The following CYP4V2 variants were observed in gnomAD, a reference collection of about 807,000 sequenced individuals.
CYP4V2 encodes the protein cytochrome P450 family 4 subfamily V member 2.
A neutral mutation model predicts 60.8 loss-of-function variants in CYP4V2; 55 were observed. That is an observed-to-expected ratio of 0.90 (90% CI 0.73 to 1.13). CYP4V2 has a LOEUF of 1.13. CYP4V2 is among the 50% of genes most tolerant of loss of function. CYP4V2 has a pLI of 0.00. For missense variants in CYP4V2, 675 were observed against 662.9 expected (o/e 1.02, Z -0.20); for synonymous variants, 239 against 236.8 (o/e 1.01, Z -0.08).
At chr4:186,204,266 G>C (rs1355480158) in intron 7 of CYP4V2, 1 of 164,738 alleles carries the variant, frequency 6.1e-6, no homozygotes, top group Non-Finnish European at 1.4e-5. Context: ...CTACGCTGGC[G>C]TAAGACGCGG....
At position 186,191,818 on chromosome 4, in the gene CYP4V2, G is replaced by A. The variant is rs993217411; in HGVS notation, c.-6G>A. ...GGAGTGCACCCCGCGGCCGCCAGCC[G>A]GGGCGATGGCGGGGCTCTGGCTGGG... On this transcript the variant is annotated 5_prime_UTR_variant, in exon 1 of 11. Transcript: ENST00000378802. The A allele has an allele frequency of 9.7e-6, 15 of 1,548,570 alleles. No homozygotes were observed. In the East Asian group the frequency reaches 1.9e-4, roughly 20 times the overall value.
At chr4:186,201,502 G>T in intron 7 of CYP4V2, 160 bp downstream of exon 7, 1 of 842,184 alleles carries the variant, frequency 1.2e-6, no homozygotes, top group Non-Finnish European at 1.8e-6. Context: ...AACTGATTAA[G>T]TACCAGCTCA....
intron 3 of CYP4V2, chr4:186,196,440 C>G (rs1736148930): frequency 5.6e-6 from 2 of 354,556 alleles, no homozygotes; most frequent in South Asian, 2.5e-5. Context: ...AAAAGATGGT[C>G]AGCCCCAGAG....
rs1561430819 is a variant in CYP4V2, at chr4:186,194,524, A to G, written c.239A>G (p.Tyr80Cys). The change falls in exon 2 of 11, where the codon TAC becomes TGC. Residue 80 changes from tyrosine (Y) to cysteine (C), a missense_variant. Coordinates refer to ENST00000378802, the MANE Select transcript of CYP4V2 (RefSeq NM_207352.4). ...GREFFQQIIE[Y>C]TEEYRHMPLL... ...GAATTTTTTCAGCAGATCATTGAGT[A>G]CACAGAGGAATACCGCCACATGCCG... is the stretch of plus-strand genomic sequence containing the variant. The G allele has an allele frequency of 6.2e-7, 1 of 1,614,190 alleles. No individual in the cohort carries two copies. The highest frequency in any genetic ancestry group is 1.7e-5 in the Admixed American group (1 of 60,036).
At position 186,195,776 on chromosome 4, in the gene CYP4V2, A is replaced by G. The variant is rs1433087393; in HGVS notation, c.328-227A>G. Among the ~76,000 whole-genome samples the G allele has an allele frequency of 1.3e-5, 2 of 152,066 alleles. No individual in the cohort carries two copies. Among genetic ancestry groups the G allele is most frequent in the East Asian group, 3.9e-4 (2 of 5,178 alleles). ...GGCGGGAACCAGAGAATCATCTGGGACATCTTTCTTCCCCCCAACTCCATT... is the reference window on the plus strand; with the variant it reads ...GGCGGGAACCAGAGAATCATCTGGGGCATCTTTCTTCCCCCCAACTCCATT... On this transcript the variant is annotated intron_variant, in intron 2 of 10. Coordinates refer to ENST00000378802, the MANE Select transcript of CYP4V2 (RefSeq NM_207352.4). This position sits in a 1 kb window ranked among gnomAD's most constrained non-coding sequence, Gnocchi z 4.1.
chr4:186,208,814 C>G (rs1736609032), intron 8 of CYP4V2, 51 bp from the exon 9 acceptor site: 1 of 1,613,668 alleles, frequency 6.2e-7, no homozygotes, highest in African/African-American at 1.3e-5. Flanking sequence ...ATGTCTGCAC[C>G]CCCAGCCCCC....
rs577921207 is a variant in CYP4V2 at position 186,212,821 on chromosome 4, A to C, written c.*2180A>C. 6.6e-6 allele frequency: 1 copy of C among 152,324 alleles called. No individual in the cohort carries two copies. The highest frequency in any genetic ancestry group is 6.5e-5 in the Admixed American group (1 of 15,306). 9.4% of individuals were successfully genotyped at this position (152,324 alleles called of 1,614,324 possible). A position where few individuals can be genotyped will look rare whatever the true frequency, so the allele number is the denominator to read the frequency against. Reference sequence around the variant, plus strand: ...ACAGGGGCGGTCTCAGCCAAATTGCACCCATTTAACTATCCCAAAGAGCCA... The same window carrying C: ...ACAGGGGCGGTCTCAGCCAAATTGCCCCCATTTAACTATCCCAAAGAGCCA... On this transcript the variant is annotated 3_prime_UTR_variant, in exon 11 of 11. Coordinates refer to ENST00000378802, the MANE Select transcript of CYP4V2 (RefSeq NM_207352.4).
intron 7 of CYP4V2, 79 bp from the exon 8 acceptor site, chr4:186,205,121 A>G (rs546154156): frequency 6.6e-5 from 88 of 1,332,492 alleles, no homozygotes; most frequent in Middle Eastern, 1.8e-4. Context: ...TCCAGAGACA[A>G]TTCAAAAGAG....
At position 186,209,154 on chromosome 4, in the gene CYP4V2, T is replaced by G. The variant is rs752446165; in HGVS notation, c.1287T>G (p.Asp429Glu). The G allele has an allele frequency of 4.3e-6, 7 of 1,614,106 alleles. No homozygotes were observed. In the Admixed American group the frequency reaches 6.7e-5, roughly 15 times the overall value. Residue 429 changes from aspartate (D) to glutamate (E), a missense_variant, in exon 10 of 11, where the codon GAT (aspartate) becomes GAG (glutamate). Transcript: ENST00000378802. ...AVIIPYALHR[D>E]PRYFPNPEEF... ...TCATTCCCTATGCATTGCACAGAGA[T>G]CCGAGATACTTCCCCAACCCCGAGG...
intron 7 of CYP4V2, chr4:186,204,987 G>T: frequency 4.9e-6 from 3 of 618,544 alleles, no homozygotes; most frequent in South Asian, 3.6e-5. Flanking sequence ...ACACCGTGCG[G>T]CGTGGAACTG....
At chr4:186,205,126 A>G (rs770370567) in intron 7 of CYP4V2, 74 bp from the exon 8 acceptor site, 17 of 1,383,038 alleles carry the variant, frequency 1.2e-5, no homozygotes, top group African/African-American at 2.9e-5. Flanking sequence ...AGACAATTCA[A>G]AAGAGGTTTC....
intron 7 of CYP4V2, 160 bp downstream of exon 7, chr4:186,201,502 G>A: frequency 1.2e-6 from 1 of 842,184 alleles, no homozygotes; most frequent in Non-Finnish European, 1.8e-6. Context: ...AACTGATTAA[G>A]TACCAGCTCA....
At chr4:186,209,765 A>G (rs1029239681) in intron 10 of CYP4V2, among the ~76,000 whole-genome samples, 10 of 152,228 alleles carry the variant, frequency 6.6e-5, no homozygotes, top group African/African-American at 2.4e-4. Flanking sequence ...AAATACAGTC[A>G]TATTCTAAGG....
chr4:186,210,950 C>T lies in CYP4V2; in HGVS notation c.*309C>T, dbSNP rs556088901. On this transcript the variant is annotated 3_prime_UTR_variant, in exon 11 of 11. Coordinates refer to ENST00000378802, the MANE Select transcript of CYP4V2 (RefSeq NM_207352.4). ...CTCCCAGGTTCAAGCAATTCTTCTG[C>T]CTCAGCCTCCCAAGTAGCTGGGATT... The T allele has an allele frequency of 1.1e-5, 3 of 269,662 alleles. No homozygotes were observed. In the Admixed American group the frequency reaches 1.5e-4, roughly 14 times the overall value. The allele number at this position is 269,662 out of a possible 1,614,324, so 16.7% of individuals were successfully genotyped here.
At chr4:186,200,512 AATAAGT>A (rs1270649294) in intron 6 of CYP4V2, among the ~76,000 whole-genome samples, 1 of 152,226 alleles carries the variant, frequency 6.6e-6, no homozygotes, top group African/African-American at 2.4e-5. Flanking sequence ...ACATTATAAT[AATAAGT>A]ATGACAGAAG....
intron 2 of CYP4V2, 44 bp downstream of exon 2, chr4:186,194,656 C>T (rs1279874093): frequency 4.0e-6 from 6 of 1,517,502 alleles, no homozygotes; most frequent in Non-Finnish European, 5.5e-6. Context: ...GTGTATCTGA[C>T]AGTGTGAGAA....
At chr4:186,194,719 A>G in intron 2 of CYP4V2, 107 bp downstream of exon 2, 1 of 1,023,034 alleles carries the variant, frequency 9.8e-7, no homozygotes, top group Non-Finnish European at 1.5e-6. Flanking sequence ...TTCAGCACAA[A>G]AAACATTCCA....
chr4:186,205,050 C>G (rs1364670821), intron 7 of CYP4V2, 150 bp from the exon 8 acceptor site: 3 of 773,698 alleles, frequency 3.9e-6, no homozygotes, highest in Non-Finnish European at 6.6e-6. Flanking sequence ...TGTTTGTCAC[C>G]GAGGCAAGGT....
chr4:186,210,188 A>G lies in CYP4V2; in HGVS notation c.1406-281A>G, dbSNP rs1736660943. Among the ~76,000 whole-genome samples the G allele has an allele frequency of 2.0e-5, 3 of 152,220 alleles. No homozygotes were observed. In the South Asian group the frequency reaches 6.2e-4, roughly 32 times the overall value. Reference sequence around the variant, plus strand: ...TAGTAAATGAAAGACCCACTAAGACATAATCTAGGGTAGTGAGTCTCAAGC... The same window carrying G: ...TAGTAAATGAAAGACCCACTAAGACGTAATCTAGGGTAGTGAGTCTCAAGC... On this transcript the variant is annotated intron_variant, in intron 10 of 10. Coordinates refer to ENST00000378802, the MANE Select transcript of CYP4V2 (RefSeq NM_207352.4).
Sources: allele counts gnomAD v4.1 joint callset (sites outside exome capture counted in the v4.1 genomes callset), GRCh38; gene constraint gnomAD v4.1.1; non-coding constraint Gnocchi (gnomAD v3.1); transcripts MANE v1.5; gene names NCBI Gene and HGNC (gene_info 2026-07-23, HGNC 2026-07-21).